The following RIMS1 variants were observed in gnomAD, a reference collection of about 807,000 sequenced individuals.
The protein encoded by RIMS1 is regulating synaptic membrane exocytosis protein 1.
In RIMS1, 83 loss-of-function variants were observed where a neutral mutation model predicts 214.1. That is an observed-to-expected ratio of 0.39 (90% CI 0.32 to 0.47). The LOEUF (loss-of-function observed/expected upper bound fraction) is 0.47, where lower values mean the gene tolerates loss of function less well. RIMS1 is among the 20% of genes least tolerant of loss of function. RIMS1 has a pLI of 0.99. For synonymous variants in RIMS1, 793 were observed against 786.8 expected, an observed-to-expected ratio of 1.01 and a Z score of -0.13; for missense variants, 2,050 against 2,161.8, an observed-to-expected ratio of 0.95 and a Z score of 1.03.
At chr6:72,245,054 G>C (rs2068789597) in intron 10 of RIMS1, among the ~76,000 whole-genome samples, 1 of 151,772 alleles carries the variant, frequency 6.6e-6, no homozygotes, top group South Asian at 2.1e-4. Flanking sequence ...CCTAAACCAA[G>C]GTGATCTAGG....
chr6:72,217,286 T>A (rs1479546636), intron 6 of RIMS1: 1 of 1,457,176 alleles, frequency 6.9e-7, no homozygotes, highest in Non-Finnish European at 9.3e-7. Flanking sequence ...GTAAAGTTAA[T>A]GTAATTTATT....
Position 71,996,281 on chromosome 6 carries a change from C to T in RIMS1, c.245+27218C>T, listed in dbSNP as rs182110784. Among the ~76,000 whole-genome samples the T allele has an allele frequency of 1.2e-3, 184 of 152,270 alleles. 1 individual carries two copies. The highest frequency in any genetic ancestry group is 6.8e-3 in the Middle Eastern group (2 of 294). ...ATTTTGTATTCAACATATAACATGA[C>T]GTTAAGTCAATCCCATTTTTATATG... On this transcript the variant is annotated intron_variant, in intron 2 of 33. Coordinates refer to ENST00000521978, the MANE Select transcript of RIMS1 (RefSeq NM_014989.7).
chr6:72,230,684 C>T (rs901161422), intron 6 of RIMS1, among the ~76,000 whole-genome samples: 1 of 151,528 alleles, frequency 6.6e-6, no homozygotes, highest in African/African-American at 2.4e-5. Context: ...GTTTAGGAAA[C>T]ACTGGTTCTC....
rs1419274863 is a variant in RIMS1 at position 71,969,039 on chromosome 6, A to G, written c.221A>G (p.Glu74Gly). Reference protein sequence around the residue: ...PAACKTPRNAENQPHQPSPRL... With the variant: ...PAACKTPRNAGNQPHQPSPRL... ...GCCTGCAAAACACCAAGAAATGCTG[A>G]AAACCAGCCCCACCAACCTTCACCG... is the stretch of plus-strand genomic sequence containing the variant. Residue 74 changes from glutamate to glycine, a missense_variant, in exon 2 of 34, where the codon GAA becomes GGA. Physicochemically the swap from Glu to Gly is moderately conservative, Grantham distance 98. Coordinates refer to ENST00000521978, the MANE Select transcript of RIMS1 (RefSeq NM_014989.7). 1.2e-6 allele frequency: 2 copies of G among 1,614,024 alleles called. No individual in the cohort carries two copies. The highest frequency in any genetic ancestry group is 3.3e-5 in the Admixed American group (2 of 60,028).
intron 9 of RIMS1, among the ~76,000 whole-genome samples, chr6:72,238,442 T>G (rs1289744598): frequency 6.6e-6 from 1 of 152,084 alleles, no homozygotes; most frequent in Non-Finnish European, 1.5e-5. Flanking sequence ...ATTAGTAAAT[T>G]TAAAAGTGAC....
At chr6:72,391,312 G>T (rs1432644483) in intron 30 of RIMS1, among the ~76,000 whole-genome samples, 1 of 150,082 alleles carries the variant, frequency 6.7e-6, no homozygotes, top group East Asian at 1.9e-4. Flanking sequence ...TGAAAAAATA[G>T]AATACGATTT....
intron 2 of RIMS1, among the ~76,000 whole-genome samples, chr6:71,997,085 A>G (rs528388766): frequency 1.6e-4 from 24 of 152,318 alleles, no homozygotes; most frequent in Non-Finnish European, 2.9e-4. Flanking sequence ...ACATTTCTTA[A>G]TGACTACTCT....
At chr6:72,146,437 A>C (rs1258342099) in intron 4 of RIMS1, among the ~76,000 whole-genome samples, 15 of 152,226 alleles carry the variant, frequency 9.9e-5, no homozygotes, top group Admixed American at 9.8e-4. Context: ...TTTTTTAAAT[A>C]AAACCTTAAG....
At chr6:72,390,247 A>C (rs564134380) in intron 29 of RIMS1, among the ~76,000 whole-genome samples, 2 of 152,324 alleles carry the variant, frequency 1.3e-5, no homozygotes, top group East Asian at 3.9e-4. Flanking sequence ...CCGTATTAGG[A>C]GAAACCTATT....
At chr6:72,312,625 A>C (rs10455257) in intron 27 of RIMS1, among the ~76,000 whole-genome samples, 13,530 of 152,152 alleles carry the variant, frequency 0.089, 744 homozygotes, top group East Asian at 0.14. Flanking sequence ...ATGTACAATG[A>C]AATTTTAATA....
intron 2 of RIMS1, among the ~76,000 whole-genome samples, chr6:71,977,386 T>G (rs970839887): frequency 2.0e-5 from 3 of 152,194 alleles, no homozygotes; most frequent in Non-Finnish European, 4.4e-5. Context: ...TTGGCCTATT[T>G]ATTCTCTCTT....
rs565540635 is a variant in RIMS1 at position 72,133,387 on chromosome 6, A to G, written c.471+33401A>G. On this transcript the variant is annotated intron_variant, in intron 4 of 33. Transcript: ENST00000521978. ...AAGAAAGGCTGCTCCAATTTAGCAG[A>G]TATGCTGGGTGACAAGAATCTTACA... 1.4e-4 allele frequency among the ~76,000 whole-genome samples: 22 copies of G among 152,322 alleles called. 1 individual carries two copies. The South Asian group carries it at 2.5e-3, about 17-fold the overall frequency.
rs148595328 is a variant in RIMS1 at position 71,913,996 on chromosome 6, G to A, written c.164+26809G>A. 2.9e-3 allele frequency among the ~76,000 whole-genome samples: 445 copies of A among 152,226 alleles called. 2 individuals carry two copies. Among genetic ancestry groups the A allele is most frequent in the African/African-American group, 9.9e-3 (410 of 41,546 alleles). ...GTCATTGGGGTGTGGTGGGGAATAA[G>A]GATAGCTGACCAGCTGTACTCCACT... On this transcript the variant is annotated intron_variant, in intron 1 of 33. Transcript: ENST00000521978.
At position 72,312,027 on chromosome 6, in the gene RIMS1, A is replaced by C. The variant is rs545075672; in HGVS notation, c.3964-1479A>C. ...TTCAGTCCTAAACTACTCTCATGTA[A>C]GAAATTATTAAATAAACATGAGACC... On this transcript the variant is annotated intron_variant, in intron 27 of 33. Coordinates refer to ENST00000521978, the MANE Select transcript of RIMS1 (RefSeq NM_014989.7). Among the ~76,000 whole-genome samples the C allele has an allele frequency of 3.8e-4, 58 of 152,338 alleles. 1 individual carries two copies. The highest frequency in any genetic ancestry group is 1.3e-3 in the African/African-American group (56 of 41,586).
chr6:71,925,937 T>C (rs929270704), intron 1 of RIMS1, among the ~76,000 whole-genome samples: 2 of 152,220 alleles, frequency 1.3e-5, no homozygotes, highest in Non-Finnish European at 2.9e-5. Context: ...AGTTAACATA[T>C]CATGAATAGA....
intron 12 of RIMS1, among the ~76,000 whole-genome samples, chr6:72,248,586 C>A (rs980775160): frequency 2.6e-5 from 4 of 152,116 alleles, no homozygotes; most frequent in African/African-American, 9.7e-5. Flanking sequence ...AAAAAGCTAC[C>A]ATTTTCTCAC....
At chr6:72,391,759 T>C (rs1409985587) in intron 30 of RIMS1, among the ~76,000 whole-genome samples, 1 of 152,194 alleles carries the variant, frequency 6.6e-6, no homozygotes, top group Non-Finnish European at 1.5e-5. Context: ...AATCAGCAGG[T>C]ATGAAAGTTA....
At chr6:72,357,889 A>G (rs117741719) in intron 29 of RIMS1, among the ~76,000 whole-genome samples, 1 of 152,330 alleles carries the variant, frequency 6.6e-6, no homozygotes, top group East Asian at 1.9e-4. Context: ...AAAGATAAAC[A>G]TATATTAGGT....
chr6:72,007,147 A>G (rs2151805454), intron 2 of RIMS1, among the ~76,000 whole-genome samples: 1 of 152,312 alleles, frequency 6.6e-6, no homozygotes, highest in South Asian at 2.1e-4. Context: ...ACGATCACGC[A>G]GCAACATTTA....
Sources: gnomAD v4.1 joint callset for allele counts (sites outside exome capture counted in the v4.1 genomes callset) on GRCh38, gnomAD v4.1.1 for gene constraint, MANE v1.5 for transcripts, NCBI Gene and HGNC (gene_info 2026-07-23, HGNC 2026-07-21) for gene names.